Variants in IFT88 observed in about 807,000 individuals in gnomAD.
The protein encoded by IFT88 is intraflagellar transport 88, also known as intraflagellar transport protein 88 homolog.
In IFT88, 74 loss-of-function variants were observed where a neutral mutation model predicts 119.5. The observed-to-expected ratio is 0.62, with a 90% CI of 0.51 to 0.75. The LOEUF (loss-of-function observed/expected upper bound fraction) is 0.75, where lower values mean the gene tolerates loss of function less well. Ranked by LOEUF, IFT88 falls within the 30% of genes least tolerant of loss-of-function variation. The probability of loss-of-function intolerance (pLI) is 0.00; values close to 1 mark genes in which losing one functional copy is unlikely to be tolerated. For missense variants in IFT88, 961 were observed against 977.7 expected, an observed-to-expected ratio of 0.98 and a Z score of 0.23; for synonymous variants, 279 against 316.7, an observed-to-expected ratio of 0.88 and a Z score of 1.26.
At chr13:20,568,404 T>G (rs1288332181) in intron 1 of IFT88, among the ~76,000 whole-genome samples, 1 of 152,240 alleles carries the variant, frequency 6.6e-6, no homozygotes, top group Non-Finnish European at 1.5e-5. Flanking sequence ...TCCACATCTT[T>G]TAATATTTGT....
chr13:20,682,937 T>G (rs1403381116), intron 24 of IFT88, among the ~76,000 whole-genome samples: 2 of 152,110 alleles, frequency 1.3e-5, no homozygotes, highest in African/African-American at 4.8e-5. Flanking sequence ...AAAGAAACAG[T>G]TTTTTAAATC....
rs540208302 is a variant in IFT88, at chr13:20,644,987, GT to G, written c.1949+31del. The G allele has an allele frequency of 5.9e-4, 621 of 1,054,934 alleles. 2 individuals carry two copies. The African/African-American group carries it at 8.6e-3, about 15-fold the overall frequency. The allele number at this position is 1,054,934 out of a possible 1,614,324, so 65.3% of individuals were successfully genotyped here. ...AGTAATCATTAGGATTTTATGTTTA[GT>G]TAATGTCATGTCTTGAGTTTTTTTA... On this transcript the variant is annotated intron_variant, in intron 20 of 25. Coordinates refer to ENST00000351808, the MANE Select transcript of IFT88 (RefSeq NM_006531.5).
At chr13:20,589,654 T>A (rs1188170434) in intron 3 of IFT88, among the ~76,000 whole-genome samples, 157 bp from the exon 4 acceptor site, 2 of 152,160 alleles carry the variant, frequency 1.3e-5, no homozygotes, top group Non-Finnish European at 2.9e-5. Flanking sequence ...TTAAAATACC[T>A]GAGCTCCCTA....
intron 13 of IFT88, among the ~76,000 whole-genome samples, chr13:20,606,277 G>A (rs942757206): frequency 6.6e-6 from 1 of 152,154 alleles, no homozygotes; most frequent in Non-Finnish European, 1.5e-5. Context: ...GGTAGTGTCA[G>A]AGGAGGCTTA....
intron 16 of IFT88, among the ~76,000 whole-genome samples, chr13:20,634,264 G>T (rs984634576): frequency 2.0e-5 from 3 of 152,148 alleles, no homozygotes; most frequent in South Asian, 4.1e-4. Context: ...AATCCTGGGA[G>T]GTGTGATCCA....
intron 13 of IFT88, among the ~76,000 whole-genome samples, chr13:20,610,979 A>G (rs564344196): frequency 6.6e-6 from 1 of 151,958 alleles, no homozygotes; most frequent in South Asian, 2.1e-4. Flanking sequence ...GCTCTACTAA[A>G]AATAACAAAA....
intron 17 of IFT88, among the ~76,000 whole-genome samples, chr13:20,638,820 T>C (rs750233412): frequency 2.0e-5 from 3 of 152,248 alleles, no homozygotes; most frequent in Non-Finnish European, 1.5e-5. Context: ...TATCATTCTT[T>C]TTAACTTTTG....
At chr13:20,656,578 A>C in intron 22 of IFT88, 148 bp downstream of exon 22, 1 of 383,742 alleles carries the variant, frequency 2.6e-6, no homozygotes, top group Non-Finnish European at 4.8e-6. Flanking sequence ...ATAGCATCAG[A>C]AAATTTGACT....
chr13:20,689,485 C>A (rs17056095), intron 24 of IFT88, among the ~76,000 whole-genome samples: 4,733 of 152,242 alleles, frequency 0.031, 248 homozygotes, highest in African/African-American at 0.11. Flanking sequence ...AATGAGAACA[C>A]CTACATTTTT....
chr13:20,604,948 T>A, intron 12 of IFT88, 87 bp from the exon 13 acceptor site: 1 of 659,320 alleles, frequency 1.5e-6, no homozygotes, highest in South Asian at 1.8e-5. Context: ...AGAGTGAGGC[T>A]GTATCTCAAA....
intron 12 of IFT88, 143 bp from the exon 13 acceptor site, chr13:20,604,892 G>A (rs1296951390): frequency 1.5e-5 from 6 of 412,880 alleles, no homozygotes; most frequent in Non-Finnish European, 2.7e-5. Flanking sequence ...GGAGGTGGAG[G>A]CTGCAGTGAG....
chr13:20,621,897 C>A (rs2046580517), intron 14 of IFT88, among the ~76,000 whole-genome samples: 1 of 152,126 alleles, frequency 6.6e-6, no homozygotes, highest in African/African-American at 2.4e-5. Context: ...ACCTATTCAT[C>A]CCTCCCTCTC....
intron 19 of IFT88, 109 bp from the exon 20 acceptor site, chr13:20,644,734 A>T (rs1238854472): frequency 6.9e-6 from 4 of 579,090 alleles, no homozygotes; most frequent in Non-Finnish European, 1.2e-5. Context: ...ATACTCCTTT[A>T]TTAAGAAATT....
At chr13:20,597,745 C>CA (rs1174154005) in intron 9 of IFT88, among the ~76,000 whole-genome samples, 31 of 140,920 alleles carry the variant, frequency 2.2e-4, no homozygotes, top group East Asian at 1.6e-3. Flanking sequence ...GACTCCGTCT[C>CA]AAAAAAAAAA....
At chr13:20,595,923 T>A (rs180929482) in intron 7 of IFT88, among the ~76,000 whole-genome samples, 80 of 152,192 alleles carry the variant, frequency 5.3e-4, no homozygotes, top group African/African-American at 1.8e-3. Context: ...GGCATGCACC[T>A]GTAGTCCTAG....
chr13:20,590,363 T>C (rs1476632283), intron 4 of IFT88, among the ~76,000 whole-genome samples: 1 of 152,128 alleles, frequency 6.6e-6, no homozygotes. Context: ...ACCTGTAATT[T>C]GGATGTTTTA....
intron 1 of IFT88, among the ~76,000 whole-genome samples, chr13:20,573,258 A>G (rs1165241468): frequency 6.6e-6 from 1 of 151,980 alleles, no homozygotes; most frequent in East Asian, 1.9e-4. Context: ...CCAATCACTA[A>G]TCAACGTTAT....
intron 2 of IFT88, among the ~76,000 whole-genome samples, chr13:20,581,990 G>A (rs1318694390): frequency 1.3e-5 from 2 of 151,958 alleles, no homozygotes; most frequent in South Asian, 2.1e-4. Flanking sequence ...TTTTTAAAAA[G>A]TTAATTGATA....
intron 23 of IFT88, among the ~76,000 whole-genome samples, chr13:20,670,630 C>T (rs2055655752): frequency 6.7e-6 from 1 of 149,396 alleles, no homozygotes; most frequent in Non-Finnish European, 1.5e-5. Context: ...ATCCCCTCCT[C>T]ACCCATCCCT....
Sources: gnomAD v4.1 joint callset for allele counts (sites outside exome capture counted in the v4.1 genomes callset) on GRCh38, gnomAD v4.1.1 for gene constraint, MANE v1.5 for transcripts, NCBI Gene and HGNC (gene_info 2026-07-23, HGNC 2026-07-21) for gene names.